Variants in THSD7B observed in about 807,000 individuals in gnomAD.
The protein encoded by THSD7B is thrombospondin type-1 domain-containing protein 7B.
THSD7B carries 138 observed loss-of-function variants against 213.6 expected under a neutral mutation model. The ratio of observed to expected loss-of-function variants is 0.65; its 90% CI spans 0.56 to 0.74. The LOEUF (loss-of-function observed/expected upper bound fraction) is 0.74, where lower values mean the gene tolerates loss of function less well. Ranked by LOEUF, THSD7B falls within the 30% of genes least tolerant of loss-of-function variation. THSD7B has a pLI of 0.00. For missense variants in THSD7B, 1,931 were observed against 1,991.5 expected (o/e 0.97, Z 0.58); for synonymous variants, 742 against 687.0 (o/e 1.08, Z -1.25).
chr2:137,500,625 C>T (rs374200929), intron 15 of THSD7B, among the ~76,000 whole-genome samples: 5 of 152,142 alleles, frequency 3.3e-5, no homozygotes, highest in African/African-American at 1.2e-4. Flanking sequence ...TCTTTTAAAT[C>T]GTAAAATGAA....
intron 17 of THSD7B, among the ~76,000 whole-genome samples, chr2:137,608,347 A>G (rs1682226020): frequency 6.7e-6 from 1 of 150,312 alleles, no homozygotes; most frequent in African/African-American, 2.4e-5. Flanking sequence ...TGCAATCACA[A>G]TACAGCTCTG....
chr2:137,096,850 A>C (rs887682964), intron 4 of THSD7B, among the ~76,000 whole-genome samples: 1 of 152,148 alleles, frequency 6.6e-6, no homozygotes, highest in African/African-American at 2.4e-5. Flanking sequence ...GGCAGGCTAG[A>C]AAGGCTGAAG....
intron 5 of THSD7B, among the ~76,000 whole-genome samples, chr2:137,153,682 A>G (rs1013369370): frequency 1.3e-5 from 2 of 152,198 alleles, no homozygotes; most frequent in Non-Finnish European, 2.9e-5. Flanking sequence ...TATGGTTAAA[A>G]TTGTAAAATT....
At position 137,024,274 on chromosome 2, in the gene THSD7B, T is replaced by C. The variant is rs1686502224; in HGVS notation, c.140-32146T>C. Among the ~76,000 whole-genome samples the C allele has an allele frequency of 2.0e-5, 3 of 152,252 alleles. No homozygotes were observed. The South Asian group carries it at 6.2e-4, about 32-fold the overall frequency. ...GGTGGTGGATTTGGGAGAAGAAGCT[T>C]TGCATATGTGGCTTTCCAGGCTCTT... is the stretch of plus-strand genomic sequence containing the variant. On this transcript the variant is annotated intron_variant, in intron 2 of 27. Transcript: ENST00000409968.
At chr2:136,871,894 T>C (rs148291744) in intron 1 of THSD7B, among the ~76,000 whole-genome samples, 1 of 152,310 alleles carries the variant, frequency 6.6e-6, no homozygotes, top group Non-Finnish European at 1.5e-5. Context: ...CTTTCTTCAC[T>C]GAAATGACAC....
intron 12 of THSD7B, among the ~76,000 whole-genome samples, chr2:137,346,724 AT>A (rs1355747634): frequency 2.6e-5 from 4 of 151,558 alleles, no homozygotes; most frequent in Non-Finnish European, 5.9e-5. Flanking sequence ...TTGCTGTAAA[AT>A]TCTAGCCTAT....
intron 2 of THSD7B, among the ~76,000 whole-genome samples, chr2:137,012,543 A>G (rs1335082108): frequency 6.6e-6 from 1 of 152,218 alleles, no homozygotes. Flanking sequence ...AAGAGTACAC[A>G]TTCAATTCTT....
At chr2:136,825,732 T>TTTTTTTTTTTTTTTTTTTTG (rs1682637553) in intron 1 of THSD7B, among the ~76,000 whole-genome samples, 1 of 148,898 alleles carries the variant, frequency 6.7e-6, no homozygotes, top group East Asian at 2.0e-4. Context: ...TTTTTTTTTT[T>TTTTTTTTTTTTTTTTTTTTG]TTAGATCTGG....
chr2:137,122,569 T>G (rs924232592), intron 5 of THSD7B, among the ~76,000 whole-genome samples: 6 of 152,096 alleles, frequency 3.9e-5, no homozygotes, highest in Non-Finnish European at 7.4e-5. Flanking sequence ...GTAAGGACTG[T>G]GGGTTTAGGG....
Position 137,427,778 on chromosome 2 carries a change from A to G in THSD7B, c.2959+15906A>G, listed in dbSNP as rs115119834. Among the ~76,000 whole-genome samples the G allele has an allele frequency of 4.3e-3, 650 of 152,240 alleles. 3 individuals carry two copies. The highest frequency in any genetic ancestry group is 0.01 in the Middle Eastern group (3 of 294). ...ATGTACTTGAATGTACGTCATGGCAATCATAGTTAATAATAGTATATACTT... is the reference window on the plus strand; with the variant it reads ...ATGTACTTGAATGTACGTCATGGCAGTCATAGTTAATAATAGTATATACTT... On this transcript the variant is annotated intron_variant, in intron 14 of 27. Coordinates refer to ENST00000409968, the MANE Select transcript of THSD7B (RefSeq NM_001316349.2).
chr2:136,783,304 G>C (rs1681777955), intron 1 of THSD7B, among the ~76,000 whole-genome samples: 1 of 152,120 alleles, frequency 6.6e-6, no homozygotes, highest in African/African-American at 2.4e-5. Flanking sequence ...GCAAAATCTT[G>C]GGATGGTTTC....
At chr2:136,900,905 T>C (rs1162100442) in intron 2 of THSD7B, among the ~76,000 whole-genome samples, 1 of 152,152 alleles carries the variant, frequency 6.6e-6, no homozygotes, top group Non-Finnish European at 1.5e-5. Context: ...TGAGTATATG[T>C]TTTTAGATAA....
intron 7 of THSD7B, among the ~76,000 whole-genome samples, chr2:137,214,804 G>A (rs930658089): frequency 2.0e-5 from 3 of 152,258 alleles, no homozygotes; most frequent in African/African-American, 4.8e-5. Context: ...TGTTGTATAT[G>A]TGCCACATTT....
chr2:136,885,836 T>C (rs941102156), intron 2 of THSD7B, among the ~76,000 whole-genome samples: 3 of 152,008 alleles, frequency 2.0e-5, no homozygotes, highest in African/African-American at 7.2e-5. Context: ...AGTAGTTAAA[T>C]AGAGTATGCT....
chr2:137,573,141 A>T (rs1681391490), intron 17 of THSD7B, among the ~76,000 whole-genome samples: 1 of 152,078 alleles, frequency 6.6e-6, no homozygotes, highest in Non-Finnish European at 1.5e-5. Flanking sequence ...CAACAGGAGT[A>T]TGGCAAAATA....
intron 15 of THSD7B, among the ~76,000 whole-genome samples, chr2:137,530,572 C>T (rs1412126849): frequency 6.6e-6 from 1 of 151,970 alleles, no homozygotes; most frequent in Non-Finnish European, 1.5e-5. Flanking sequence ...TGTTTTAGCA[C>T]AGCCTGTCTC....
intron 17 of THSD7B, among the ~76,000 whole-genome samples, chr2:137,592,881 A>T (rs1207202991): frequency 6.6e-6 from 1 of 151,832 alleles, no homozygotes; most frequent in Non-Finnish European, 1.5e-5. Context: ...TTTCTACTCA[A>T]ATTTAGGCAC....
In THSD7B at chr2:137,502,357, TATAAAG is replaced by T. The variant is rs1231506448; in HGVS notation, c.3138+51336_3138+51341del. On this transcript the variant is annotated intron_variant, in intron 15 of 27. Transcript: ENST00000409968. ...GTGTATATATGTATGTTTGTACACA[TATAAAG>T]AGAAAGAGAGAGAGACAGATACAGA... 4.0e-5 allele frequency among the ~76,000 whole-genome samples: 6 copies of T among 151,770 alleles called. No individual in the cohort carries two copies. In the South Asian group the frequency reaches 8.3e-4, roughly 21 times the overall value.
intron 2 of THSD7B, among the ~76,000 whole-genome samples, chr2:136,893,593 A>C (rs1246819400): frequency 6.6e-6 from 1 of 152,196 alleles, no homozygotes; most frequent in Non-Finnish European, 1.5e-5. Flanking sequence ...AAGGAACCTT[A>C]AAAGCTTACC....
Sources: allele counts gnomAD v4.1 joint callset (sites outside exome capture counted in the v4.1 genomes callset), GRCh38; gene constraint gnomAD v4.1.1; transcripts MANE v1.5; gene names NCBI Gene and HGNC (gene_info 2026-07-23, HGNC 2026-07-21).